Variants in LONRF1 observed in about 807,000 individuals in gnomAD.
LONRF1 encodes LON peptidase N-terminal domain and RING finger protein 1.
In LONRF1, 37 loss-of-function variants were observed where a neutral mutation model predicts 85.8. That is an observed-to-expected ratio of 0.43 (90% CI 0.33 to 0.57). The LOEUF (loss-of-function observed/expected upper bound fraction) is 0.57. Ranked by LOEUF, LONRF1 falls within the 20% of genes least tolerant of loss-of-function variation. The pLI, the probability that LONRF1 is intolerant of heterozygous loss-of-function variation, is 0.04. For synonymous variants in LONRF1, 517 were observed against 390.1 expected, an observed-to-expected ratio of 1.33 and a Z score of -3.83; for missense variants, 1,036 against 978.0, an observed-to-expected ratio of 1.06 and a Z score of -0.79.
chr8:12,723,017 G>A lies in LONRF1; in HGVS notation c.*79C>T. 2.3e-6 allele frequency: 3 copies of A among 1,320,112 alleles called. No homozygotes were observed. Among genetic ancestry groups the A allele is most frequent in the East Asian group, 2.4e-5 (1 of 41,578 alleles). The allele number at this position is 1,320,112 out of a possible 1,614,324, so 81.8% of individuals were successfully genotyped here. On this transcript the variant is annotated 3_prime_UTR_variant, in exon 12 of 12. Coordinates refer to ENST00000398246, the MANE Select transcript of LONRF1 (RefSeq NM_152271.5). The stretch of plus-strand genomic sequence containing the variant: ...CATTAAATTTCTGAAACCAGCACTA[G>A]ATGTGCAAAGGCAGCAGACAATCTG...
At chr8:12,746,929 T>C (rs73202647) in intron 1 of LONRF1, among the ~76,000 whole-genome samples, 12,676 of 152,280 alleles carry the variant, frequency 0.083, 711 homozygotes, top group Non-Finnish European at 0.12. Context: ...CAGGGCTTGG[T>C]ACATTGAAAG....
intron 1 of LONRF1, among the ~76,000 whole-genome samples, chr8:12,747,957 A>G (rs987387209): frequency 1.3e-5 from 2 of 152,188 alleles, no homozygotes; most frequent in Non-Finnish European, 2.9e-5. Flanking sequence ...ATGTAGTTTT[A>G]TAAAATATAC....
At position 12,743,059 on chromosome 8, in the gene LONRF1, T is replaced by C; in HGVS notation, c.840+105A>G. 4 of 743,364 alleles carry C rather than the reference T, an allele frequency of 5.4e-6. No individual in the cohort carries two copies. In the East Asian group the frequency reaches 7.8e-5, roughly 14 times the overall value. The allele number at this position is 743,364 out of a possible 1,614,324, so 46.0% of individuals were successfully genotyped here. A position where few individuals can be genotyped will look rare whatever the true frequency, so the allele number is the denominator to read the frequency against. On this transcript the variant is annotated intron_variant, in intron 2 of 11. Coordinates refer to ENST00000398246, the MANE Select transcript of LONRF1 (RefSeq NM_152271.5). ...ATTTCTAGAGCACTAGATATTTTAT[T>C]TGGAGTCAACCATCTACTTTGTTAA...
At chr8:12,745,777 A>G (rs1351236990) in intron 1 of LONRF1, among the ~76,000 whole-genome samples, 5 of 152,208 alleles carry the variant, frequency 3.3e-5, no homozygotes, top group Non-Finnish European at 7.4e-5. Flanking sequence ...CAAAGACAAC[A>G]TGGTTTGGGT....
At chr8:12,748,678 G>T (rs995553839) in intron 1 of LONRF1, among the ~76,000 whole-genome samples, 13 of 152,060 alleles carry the variant, frequency 8.5e-5, no homozygotes, top group African/African-American at 3.1e-4. Context: ...TTAAAACTTT[G>T]TGTTTATTCA....
chr8:12,729,529 T>G (rs1309497156), intron 8 of LONRF1, 197 bp from the exon 9 acceptor site: 2 of 520,960 alleles, frequency 3.8e-6, no homozygotes, highest in African/African-American at 1.9e-5. Context: ...TGATGAAATA[T>G]TAATACTGAA....
At chr8:12,735,703 G>A (rs1283723291) in intron 6 of LONRF1, 5 of 242,734 alleles carry the variant, frequency 2.1e-5, no homozygotes, top group East Asian at 1.6e-4. Context: ...AGTACAAGCT[G>A]ATATGTGCAC....
intron 11 of LONRF1, among the ~76,000 whole-genome samples, chr8:12,723,499 C>G (rs1353208487): frequency 6.6e-6 from 1 of 152,184 alleles, no homozygotes; most frequent in Non-Finnish European, 1.5e-5. Context: ...GACCTGACTC[C>G]CCACAGTCAA....
At chr8:12,732,438 T>G (rs1798563612) in intron 7 of LONRF1, among the ~76,000 whole-genome samples, 1 of 152,164 alleles carries the variant, frequency 6.6e-6, no homozygotes, top group Non-Finnish European at 1.5e-5. Flanking sequence ...CTCAGACCCT[T>G]ATCAAGATAT....
chr8:12,737,293 G>A (rs1318207796), intron 4 of LONRF1, 153 bp from the exon 5 acceptor site: 2 of 982,378 alleles, frequency 2.0e-6, no homozygotes, highest in East Asian at 2.6e-5. Flanking sequence ...ACTGTGACAA[G>A]TAAATGATTT....
In LONRF1 at chr8:12,744,783, G is replaced by A. The variant is rs192754744; in HGVS notation, c.722-1501C>T. Among the ~76,000 whole-genome samples the A allele has an allele frequency of 3.9e-5, 6 of 152,246 alleles. No homozygotes were observed. The East Asian group carries it at 1.2e-3, about 29-fold the overall frequency. The stretch of plus-strand genomic sequence containing the variant: ...AGTGCAGTTTTCCACCCACAGCTGG[G>A]GTGCTTCCAATAGCATCCTTGAGAC... On this transcript the variant is annotated intron_variant, in intron 1 of 11. Transcript: ENST00000398246.
At chr8:12,746,725 T>C (rs1585254178) in intron 1 of LONRF1, among the ~76,000 whole-genome samples, 1 of 152,236 alleles carries the variant, frequency 6.6e-6, no homozygotes, top group African/African-American at 2.4e-5. Flanking sequence ...TCCACATTTT[T>C]ATAGAAAACA....
intron 2 of LONRF1, among the ~76,000 whole-genome samples, chr8:12,741,277 G>A (rs1301793742): frequency 6.6e-6 from 1 of 152,108 alleles, no homozygotes; most frequent in Non-Finnish European, 1.5e-5. Context: ...CCAGCTAACT[G>A]GGAGGCTAAG....
intron 3 of LONRF1, 54 bp from the exon 4 acceptor site, chr8:12,738,198 A>T (rs79815399): frequency 0.042 from 51,483 of 1,211,966 alleles, 1,236 homozygotes; most frequent in Middle Eastern, 0.071. Context: ...GGTTAAGGAT[A>T]ATTTTGTATA....
At chr8:12,753,676 T>C (rs1367083561) in intron 1 of LONRF1, 1 of 152,034 alleles carries the variant, frequency 6.6e-6, no homozygotes, top group Admixed American at 6.5e-5. Flanking sequence ...AACTACTGAT[T>C]TATATAGAAC....
chr8:12,729,425 A>G, intron 8 of LONRF1, 93 bp from the exon 9 acceptor site: 4 of 1,261,590 alleles, frequency 3.2e-6, no homozygotes, highest in Non-Finnish European at 4.4e-6. Flanking sequence ...ACAGTAATGA[A>G]CTAATGTAAA....
Position 12,731,722 on chromosome 8 carries a change from G to C in LONRF1, c.1688+14C>G, listed in dbSNP as rs768061824. The C allele has an allele frequency of 6.2e-7, 1 of 1,601,100 alleles. No individual in the cohort carries two copies. Among genetic ancestry groups the C allele is most frequent in the South Asian group, 1.1e-5 (1 of 88,678 alleles). Reference sequence around the variant, plus strand: ...GGTAGTAGTTCATAATTTTTTTTATGAGAAGAAACTTACTGTGAGAGTTCA... The same window carrying C: ...GGTAGTAGTTCATAATTTTTTTTATCAGAAGAAACTTACTGTGAGAGTTCA... On this transcript the variant is annotated intron_variant, in intron 8 of 11. Transcript: ENST00000398246.
chr8:12,742,629 TAA>T (rs777645573), intron 2 of LONRF1, among the ~76,000 whole-genome samples: 11 of 152,204 alleles, frequency 7.2e-5, no homozygotes, highest in Admixed American at 4.6e-4. Flanking sequence ...TTTTGTATAA[TAA>T]AGTCTTTTTT....
intron 10 of LONRF1, among the ~76,000 whole-genome samples, chr8:12,727,877 T>A (rs1409451445): frequency 6.6e-6 from 1 of 152,208 alleles, no homozygotes; most frequent in Non-Finnish European, 1.5e-5. Flanking sequence ...ATCAGGTTTA[T>A]CAACAGAGAG....
Sources: allele counts gnomAD v4.1 joint callset (sites outside exome capture counted in the v4.1 genomes callset), GRCh38; gene constraint gnomAD v4.1.1; transcripts MANE v1.5; gene names NCBI Gene and HGNC (gene_info 2026-07-23, HGNC 2026-07-21).